INPP5D: variants seen among roughly 807,000 people sequenced by gnomAD.
INPP5D encodes the protein inositol polyphosphate-5-phosphatase D, also known as phosphatidylinositol 3,4,5-trisphosphate 5-phosphatase 1.
Under a neutral mutation model 122.9 loss-of-function variants are expected in INPP5D, and 33 were observed. The ratio of observed to expected loss-of-function variants is 0.27; its 90% CI spans 0.20 to 0.36. The LOEUF is 0.36. Ranked by LOEUF, INPP5D falls within the 10% of genes least tolerant of loss-of-function variation. The pLI is 1.00. For missense variants in INPP5D, 1,053 were observed against 1,412.7 expected (o/e 0.75, Z 4.08); for synonymous variants, 584 against 576.2 (o/e 1.01, Z -0.19).
chr2:233,086,119 C>CTCCTTTCTTTCTTTCTT (rs1691825925), intron 2 of INPP5D, among the ~76,000 whole-genome samples: 1 of 93,828 alleles, frequency 1.1e-5, no homozygotes, highest in Non-Finnish European at 2.2e-5. Flanking sequence ...ATAAGATAGC[C>CTCCTTTCTTTCTTTCTT]TCTTTCTTTC....
At chr2:233,204,827 TATGTGCGTGC>T in intron 26 of INPP5D, 110 bp downstream of exon 26, 1 of 1,399,410 alleles carries the variant, frequency 7.1e-7, no homozygotes, top group Middle Eastern at 2.6e-4. Flanking sequence ...CACGCATGCA[TATGTGCGTGC>T]ATGTGTGAAC....
At chr2:233,190,029 G>T (rs1361874167) in intron 22 of INPP5D, 92 bp downstream of exon 22, 1 of 1,535,456 alleles carries the variant, frequency 6.5e-7, no homozygotes, top group Non-Finnish European at 8.7e-7. Context: ...GGCACTTCCG[G>T]TCATAGGCTC....
intron 2 of INPP5D, among the ~76,000 whole-genome samples, chr2:233,087,801 C>G (rs1396111477): frequency 6.6e-6 from 1 of 152,178 alleles, no homozygotes; most frequent in Non-Finnish European, 1.5e-5. Flanking sequence ...TTATCTCACC[C>G]TTGCTGTAGT....
At chr2:233,121,058 C>T (rs892982868) in intron 2 of INPP5D, among the ~76,000 whole-genome samples, 1 of 151,406 alleles carries the variant, frequency 6.6e-6, no homozygotes, top group Non-Finnish European at 1.5e-5. Context: ...ACATTCTAAA[C>T]TGGAAAATAG....
intron 2 of INPP5D, among the ~76,000 whole-genome samples, chr2:233,110,940 CA>C (rs113753852): frequency 0.17 from 22,941 of 134,390 alleles, 3,222 homozygotes; most frequent in African/African-American, 0.43. Context: ...AAAAAAACAA[CA>C]AAAAAAAAAA....
At chr2:233,062,300 A>T (rs1691097743) in intron 1 of INPP5D, among the ~76,000 whole-genome samples, 1 of 152,152 alleles carries the variant, frequency 6.6e-6, no homozygotes, top group Non-Finnish European at 1.5e-5. Flanking sequence ...GGTTACAGAC[A>T]TGGGGCGTGG....
At chr2:233,083,782 C>A (rs551264035) in intron 2 of INPP5D, among the ~76,000 whole-genome samples, 28 of 152,276 alleles carry the variant, frequency 1.8e-4, no homozygotes, top group African/African-American at 6.7e-4. Context: ...CCTGGAGTGG[C>A]CTCAGACGTG....
chr2:233,123,589 G>GC (rs1693061463), intron 3 of INPP5D, among the ~76,000 whole-genome samples: 1 of 152,188 alleles, frequency 6.6e-6, no homozygotes, highest in Non-Finnish European at 1.5e-5. Flanking sequence ...ACCTGGGGAT[G>GC]CCCCACTTTT....
rs552483014 is a variant in INPP5D at position 233,163,666 on chromosome 2, T to C, written c.1241-41T>C. On this transcript the variant is annotated intron_variant, in intron 11 of 26. Transcript: ENST00000445964. ...GAATTCTCCTAATGCTTTGACTCGA[T>C]GTGCCTTTGACTCACTTGGTGTTGG... The C allele has an allele frequency of 9.1e-5, 147 of 1,611,938 alleles. No homozygotes were observed. The East Asian group carries it at 3.1e-3, about 33-fold the overall frequency.
In INPP5D at chr2:233,078,574, GC is replaced by G; in HGVS notation, c.135-757del. Among the ~76,000 whole-genome samples, 1 of 152,200 alleles carries G rather than the reference GC, an allele frequency of 6.6e-6. No individual in the cohort carries two copies. The highest frequency in any genetic ancestry group is 1.5e-5 in the Non-Finnish European group (1 of 68,046). On this transcript the variant is annotated intron_variant, in intron 1 of 26. Coordinates refer to ENST00000445964, the MANE Select transcript of INPP5D (RefSeq NM_001017915.3). This position sits in a 1 kb window ranked among gnomAD's most constrained non-coding sequence, Gnocchi z 4.6. ...GAGTGATCCCTGCCCCTGACAGGTG[GC>G]CCCTCTGTGGCTGGGCCTGGCTTTC... is the stretch of plus-strand genomic sequence containing the variant.
rs80028087 is a variant in INPP5D at position 233,114,493 on chromosome 2, C to G, written c.199-7614C>G. Among the ~76,000 whole-genome samples the G allele has an allele frequency of 8.5e-3, 1,294 of 152,326 alleles. 18 individuals are homozygous for G. The highest frequency in any genetic ancestry group is 0.03 in the African/African-American group (1,228 of 41,582). ...ACAGGAGGCTGCTTCCAGCCTTTCC[C>G]TCAGATGAGCTGGCTCAGAGCAGGG... On this transcript the variant is annotated intron_variant, in intron 2 of 26. Transcript: ENST00000445964.
At chr2:233,115,978 C>G (rs1053387140) in intron 2 of INPP5D, among the ~76,000 whole-genome samples, 4 of 152,110 alleles carry the variant, frequency 2.6e-5, no homozygotes, top group Non-Finnish European at 5.9e-5. Context: ...TCTGCAGAGA[C>G]TCTGTAAAAA....
chr2:233,092,300 C>G (rs764110307), intron 2 of INPP5D, among the ~76,000 whole-genome samples: 27 of 152,204 alleles, frequency 1.8e-4, no homozygotes, highest in Non-Finnish European at 4.4e-5. Flanking sequence ...TCACTTCTGT[C>G]TTCCCCAGAG....
chr2:233,194,080 A>C, intron 23 of INPP5D, 119 bp downstream of exon 23: 1 of 1,408,348 alleles, frequency 7.1e-7, no homozygotes, highest in Non-Finnish European at 9.3e-7. Flanking sequence ...GCAGAAATCC[A>C]GCACTGGAAA....
chr2:233,164,307 G>A lies in INPP5D; in HGVS notation c.1438G>A (p.Val480Ile), dbSNP rs1355431987. 6.5e-7 allele frequency: 1 copy of A among 1,548,780 alleles called. No homozygotes were observed. Among genetic ancestry groups the A allele is most frequent in the East Asian group, 2.4e-5 (1 of 40,998 alleles). ...QEITSVTFKT[V>I]AIHTLWNIRI... is the part of the protein sequence containing the mutation. ...TATTGCAACGTTGTCCTCCCACCAG[G>A]TCGCCATCCACACGCTCTGGAACAT... The change falls in exon 13 of 27, where the codon GTC becomes ATC. Residue 480 changes from valine to isoleucine, a missense_variant and splice_region_variant. Physicochemically the swap from Val to Ile is conservative, Grantham distance 29. This residue lies in a region of INPP5D where 105 missense variants were observed against 199.8 expected (regional missense o/e 0.53). Coordinates refer to ENST00000445964, the MANE Select transcript of INPP5D (RefSeq NM_001017915.3). This position sits in a 1 kb window ranked among gnomAD's most constrained non-coding sequence, Gnocchi z 4.3.
chr2:233,170,008 G>A lies in INPP5D; in HGVS notation c.1653-18G>A, dbSNP rs377551748. 41 of 1,613,954 alleles carry A rather than the reference G, an allele frequency of 2.5e-5. No homozygotes were observed. Among genetic ancestry groups the A allele is most frequent in the South Asian group, 2.3e-4 (21 of 91,082 alleles). On this transcript the variant is annotated intron_variant, in intron 14 of 26. Transcript: ENST00000445964. This position sits in a 1 kb window ranked among gnomAD's most constrained non-coding sequence, Gnocchi z 4.5. ...ACCAGTGACCCCGTGCTAGATGGCC[G>A]CTTTTTCCTTGCATTAGGCGAAACC... is the stretch of plus-strand genomic sequence containing the variant.
chr2:233,113,150 T>C (rs1374684263), intron 2 of INPP5D, among the ~76,000 whole-genome samples: 1 of 152,166 alleles, frequency 6.6e-6, no homozygotes, highest in Non-Finnish European at 1.5e-5. Context: ...GATTACATGC[T>C]TATTCCCCTG....
Position 233,185,915 on chromosome 2 carries a change from C to T in INPP5D, c.2348C>T (p.Thr783Ile). 1 of 1,602,958 alleles carries T rather than the reference C, an allele frequency of 6.2e-7. No homozygotes were observed. Among genetic ancestry groups the T allele is most frequent in the Non-Finnish European group, 8.5e-7 (1 of 1,174,544 alleles). The change falls in exon 21 of 27, where the codon ACT becomes ATT. Residue 783 changes from threonine to isoleucine, a missense_variant. Physicochemically the swap from Thr to Ile is moderately conservative, Grantham distance 89. Transcript: ENST00000445964. ...GAGCTGGTGGTGAAGTTTGGTGAGA[C>T]TCTTCCAAAGGTAATTCTAGAGCAA... is the stretch of plus-strand genomic sequence containing the variant. ...EGELVVKFGETLPKLKPIISD... is the reference protein window; with the variant it reads ...EGELVVKFGEILPKLKPIISD...
At chr2:233,156,278 G>T (rs907526755) in intron 9 of INPP5D, among the ~76,000 whole-genome samples, 1 of 152,264 alleles carries the variant, frequency 6.6e-6, no homozygotes, top group African/African-American at 2.4e-5. Context: ...GAGCCAGAGT[G>T]CCAGGTTCAC....
Sources: allele counts gnomAD v4.1 joint callset (sites outside exome capture counted in the v4.1 genomes callset), GRCh38; gene constraint gnomAD v4.1.1; regional missense constraint gnomAD v4.1.1; non-coding constraint Gnocchi (gnomAD v3.1); transcripts MANE v1.5; gene names NCBI Gene and HGNC (gene_info 2026-07-23, HGNC 2026-07-21).